Variants in MXI1 observed in about 807,000 individuals in gnomAD.
MXI1 encodes the protein max-interacting protein 1.
A neutral mutation model predicts 36.9 loss-of-function variants in MXI1; 18 were observed. The observed-to-expected ratio is 0.49, with a 90% CI of 0.34 to 0.72. The LOEUF (loss-of-function observed/expected upper bound fraction) is 0.72. Ranked by LOEUF, MXI1 falls within the 30% of genes least tolerant of loss-of-function variation. The pLI, the probability that MXI1 is intolerant of heterozygous loss-of-function variation, is 0.01. For synonymous variants in MXI1, 160 were observed against 146.7 expected, an observed-to-expected ratio of 1.09 and a Z score of -0.65; for missense variants, 304 against 379.1, an observed-to-expected ratio of 0.80 and a Z score of 1.64.
At chr10:110,268,576 T>C (rs1856757366) in intron 3 of MXI1, among the ~76,000 whole-genome samples, 1 of 152,192 alleles carries the variant, frequency 6.6e-6, no homozygotes, top group Admixed American at 6.5e-5. Flanking sequence ...TCTTAAGGCA[T>C]GTTCACTTTC....
chr10:110,215,043 G>GTTTTTTTTTTTTTTTTTTT (rs200181611), intron 1 of MXI1, among the ~76,000 whole-genome samples: 1 of 78,906 alleles, frequency 1.3e-5, no homozygotes, highest in Non-Finnish European at 2.4e-5. Context: ...TTTTTTTTTT[G>GTTTTTTTTTTTTTTTTTTT]TTTTTTTTTT....
chr10:110,244,543 G>C (rs1855790532), intron 2 of MXI1, among the ~76,000 whole-genome samples: 1 of 151,800 alleles, frequency 6.6e-6, no homozygotes, highest in Admixed American at 6.6e-5. Context: ...CAAAATCTAG[G>C]ATGCTAGAAG....
intron 3 of MXI1, among the ~76,000 whole-genome samples, chr10:110,267,369 CA>C (rs1564722757): frequency 6.6e-6 from 1 of 152,138 alleles, no homozygotes; most frequent in African/African-American, 2.4e-5. Context: ...TCTTGGAGGA[CA>C]GCCATCATAG....
chr10:110,232,924 A>G (rs536209605), intron 2 of MXI1, among the ~76,000 whole-genome samples: 13 of 152,264 alleles, frequency 8.5e-5, no homozygotes, highest in Non-Finnish European at 1.5e-4. Flanking sequence ...AAGAACATTC[A>G]GTGTCATCCT....
At position 110,285,670 on chromosome 10, in the gene MXI1, A is replaced by C. The variant is rs1418968534; in HGVS notation, c.*683A>C. On this transcript the variant is annotated 3_prime_UTR_variant, in exon 6 of 6. Coordinates refer to ENST00000332674, the MANE Select transcript of MXI1 (RefSeq NM_130439.3). ...GCTAACCTTATCCTGCATTGTTAGCACTAGGCACCCAGCTGCCACCTCTCC... is the reference window on the plus strand; with the variant it reads ...GCTAACCTTATCCTGCATTGTTAGCCCTAGGCACCCAGCTGCCACCTCTCC... 6.6e-6 allele frequency: 1 copy of C among 152,346 alleles called. No individual in the cohort carries two copies. The highest frequency in any genetic ancestry group is 1.5e-5 in the Non-Finnish European group (1 of 68,130). 9.4% of individuals were successfully genotyped at this position (152,346 alleles called of 1,614,324 possible).
At chr10:110,221,611 A>AT (rs1451506538) in intron 1 of MXI1, among the ~76,000 whole-genome samples, 1 of 152,236 alleles carries the variant, frequency 6.6e-6, no homozygotes, top group African/African-American at 2.4e-5. Context: ...TAATCACTGA[A>AT]ATAGGCTGCT....
intron 2 of MXI1, among the ~76,000 whole-genome samples, chr10:110,232,779 ACT>A (rs1335936298): frequency 2.6e-5 from 4 of 152,174 alleles, no homozygotes; most frequent in Admixed American, 2.0e-4. Flanking sequence ...GTTTTGGCAA[ACT>A]CTGATTACTT....
At chr10:110,226,295 G>A (rs1431916373) in intron 1 of MXI1, 4 of 1,494,706 alleles carry the variant, frequency 2.7e-6, no homozygotes, top group South Asian at 1.2e-5. Context: ...TAATGGCTGG[G>A]CGCCGCTGCG....
intron 1 of MXI1, chr10:110,225,983 C>T (rs1351889553): frequency 1.0e-6 from 1 of 981,048 alleles, no homozygotes; most frequent in African/African-American, 1.8e-5. Flanking sequence ...CCCCCGTGCT[C>T]GCGGGGAGAG....
chr10:110,266,114 C>CTT (rs200154048), intron 3 of MXI1, among the ~76,000 whole-genome samples: 8,119 of 146,940 alleles, frequency 0.055, 314 homozygotes, highest in Middle Eastern at 0.15. Flanking sequence ...TCTTTTCTTT[C>CTT]TTTTTTTTTT....
At chr10:110,259,481 C>T (rs1856431019) in intron 3 of MXI1, among the ~76,000 whole-genome samples, 1 of 151,978 alleles carries the variant, frequency 6.6e-6, no homozygotes, top group South Asian at 2.1e-4. Context: ...ATTGTAAATG[C>T]TGTGATAAAT....
intron 2 of MXI1, among the ~76,000 whole-genome samples, chr10:110,236,529 C>T (rs1323428489): frequency 2.6e-5 from 4 of 152,062 alleles, no homozygotes; most frequent in African/African-American, 9.7e-5. Context: ...GATCATGGCC[C>T]ACTGCAGCCT....
chr10:110,282,208 C>G (rs1857276216), intron 5 of MXI1, among the ~76,000 whole-genome samples: 1 of 152,182 alleles, frequency 6.6e-6, no homozygotes. Flanking sequence ...TCATGTTTTG[C>G]TGTACTGAAT....
intron 3 of MXI1, among the ~76,000 whole-genome samples, chr10:110,271,650 G>T (rs896476610): frequency 6.6e-6 from 1 of 152,154 alleles, no homozygotes; most frequent in African/African-American, 2.4e-5. Flanking sequence ...GGTTTGCAAG[G>T]GTATGAGTTA....
chr10:110,278,539 C>G (rs1286599895), intron 3 of MXI1, among the ~76,000 whole-genome samples: 1 of 152,188 alleles, frequency 6.6e-6, no homozygotes, highest in African/African-American at 2.4e-5. Flanking sequence ...TAACCCTACC[C>G]TAGCTGGTCA....
chr10:110,235,988 C>T (rs893331139), intron 2 of MXI1, among the ~76,000 whole-genome samples: 5 of 152,076 alleles, frequency 3.3e-5, no homozygotes, highest in Non-Finnish European at 7.4e-5. Flanking sequence ...GCCTGGGCAA[C>T]AGAGTGAGAC....
rs34948360 is a variant in MXI1, at chr10:110,224,635, CTT to C, written c.275-3536_275-3535del. Among the ~76,000 whole-genome samples the C allele has an allele frequency of 3.9e-3, 498 of 126,394 alleles. 5 individuals are homozygous for C. The highest frequency in any genetic ancestry group is 0.013 in the African/African-American group (416 of 33,056). The allele number at this position is 126,394 out of a possible 152,430, so 82.9% of individuals were successfully genotyped here. ...GTGGCCATGAATGAGCAGTCAGTGG[CTT>C]TTTTTTTTTTTTTTTTTCTTTGAGA... On this transcript the variant is annotated intron_variant, in intron 1 of 5. Transcript: ENST00000332674.
At chr10:110,282,064 G>T (rs1488909183) in intron 5 of MXI1, among the ~76,000 whole-genome samples, 1 of 152,120 alleles carries the variant, frequency 6.6e-6, no homozygotes, top group Non-Finnish European at 1.5e-5. Flanking sequence ...CTGAAATAAA[G>T]TTCATACAGG....
intron 3 of MXI1, among the ~76,000 whole-genome samples, chr10:110,269,753 T>C (rs187364778): frequency 1.6e-4 from 25 of 152,134 alleles, no homozygotes; most frequent in African/African-American, 5.8e-4. Context: ...CAGGGTACAA[T>C]ACTATTGACA....
Sources: gnomAD v4.1 joint callset for allele counts (sites outside exome capture counted in the v4.1 genomes callset) on GRCh38, gnomAD v4.1.1 for gene constraint, MANE v1.5 for transcripts, NCBI Gene and HGNC (gene_info 2026-07-23, HGNC 2026-07-21) for gene names.